COP1: variants seen among roughly 807,000 people sequenced by gnomAD.
COP1 encodes COP1 E3 ubiquitin ligase.
A neutral mutation model predicts 101.3 loss-of-function variants in COP1; 24 were observed. That is an observed-to-expected ratio of 0.24 (90% CI 0.17 to 0.33). The LOEUF (loss-of-function observed/expected upper bound fraction) is 0.33, where lower values mean the gene tolerates loss of function less well. Ranked by LOEUF, COP1 falls within the 10% of genes least tolerant of loss-of-function variation. The pLI, the probability that COP1 is intolerant of heterozygous loss-of-function variation, is 1.00. For synonymous variants in COP1, 347 were observed against 341.9 expected (o/e 1.01, Z -0.17); for missense variants, 663 against 906.2 (o/e 0.73, Z 3.45).
intron 12 of COP1, among the ~76,000 whole-genome samples, chr1:176,045,204 C>A (rs4622022): frequency 0.97 from 148,007 of 152,194 alleles, 72,113 homozygotes; most frequent in East Asian, 1. Flanking sequence ...TGCTAAAGAC[C>A]AAGCACTTAG....
chr1:175,970,840 C>T (rs1653093256), intron 18 of COP1, among the ~76,000 whole-genome samples: 2 of 151,950 alleles, frequency 1.3e-5, no homozygotes, highest in South Asian at 4.1e-4. Context: ...CATGCAAATG[C>T]TGAATTTGAA....
At chr1:176,106,883 TAG>T (rs1684413629) in intron 9 of COP1, among the ~76,000 whole-genome samples, 1 of 152,170 alleles carries the variant, frequency 6.6e-6, no homozygotes. Context: ...AGCTCACAAT[TAG>T]AGACTCCAAC....
At chr1:176,179,470 C>T (rs1329983883) in intron 2 of COP1, among the ~76,000 whole-genome samples, 2 of 152,124 alleles carry the variant, frequency 1.3e-5, no homozygotes, top group Non-Finnish European at 1.5e-5. Flanking sequence ...TGCAGTGGCT[C>T]GTGCCTGTAA....
At chr1:176,115,779 G>A (rs1686089625) in intron 9 of COP1, among the ~76,000 whole-genome samples, 1 of 151,800 alleles carries the variant, frequency 6.6e-6, no homozygotes, top group South Asian at 2.1e-4. Context: ...AAAATAAAAA[G>A]TCGAAAAAAG....
At chr1:176,079,394 T>C (rs984619486) in intron 11 of COP1, among the ~76,000 whole-genome samples, 25 of 152,114 alleles carry the variant, frequency 1.6e-4, no homozygotes, top group African/African-American at 5.6e-4. Flanking sequence ...AACCAAATAA[T>C]GTATATTCTC....
chr1:176,169,701 T>C (rs919583916), intron 3 of COP1, among the ~76,000 whole-genome samples: 6 of 152,350 alleles, frequency 3.9e-5, no homozygotes, highest in Admixed American at 2.0e-4. Flanking sequence ...TGCCTCCATG[T>C]TGACGGCTGC....
intron 17 of COP1, among the ~76,000 whole-genome samples, chr1:175,987,334 T>C (rs1465091196): frequency 6.6e-6 from 1 of 152,174 alleles, no homozygotes; most frequent in African/African-American, 2.4e-5. Context: ...ACAACAATAC[T>C]GATAATTCTA....
intron 11 of COP1, among the ~76,000 whole-genome samples, chr1:176,072,748 T>C (rs1677231912): frequency 6.6e-6 from 1 of 152,096 alleles, no homozygotes; most frequent in South Asian, 2.1e-4. Flanking sequence ...AATTGAAACT[T>C]AGCAAAAATG....
At chr1:176,194,482 AC>A (rs1469696899) in intron 1 of COP1, among the ~76,000 whole-genome samples, 1 of 152,044 alleles carries the variant, frequency 6.6e-6, no homozygotes, top group Non-Finnish European at 1.5e-5. Flanking sequence ...TACGAAAAAT[AC>A]AAAAATTAGC....
At chr1:175,963,469 G>T (rs1651635934) in intron 18 of COP1, among the ~76,000 whole-genome samples, 1 of 152,040 alleles carries the variant, frequency 6.6e-6, no homozygotes, top group South Asian at 2.1e-4. Context: ...GCCCGACCTG[G>T]GTTCTAATTC....
In COP1 at chr1:176,050,369, A is replaced by G. The variant is rs143798898; in HGVS notation, c.1278-4045T>C. ...GCAATGAAAGCCGTCAATAAGCCCA[A>G]GCAGTGAATTTTGTCAGTGTTTCCA... is the stretch of plus-strand genomic sequence containing the variant. On this transcript the variant is annotated intron_variant, in intron 11 of 19. Transcript: ENST00000367669. Among the ~76,000 whole-genome samples the G allele has an allele frequency of 2.6e-3, 400 of 152,340 alleles. 3 individuals carry two copies. The highest frequency in any genetic ancestry group is 9.2e-3 in the African/African-American group (382 of 41,584).
chr1:175,974,944 C>T (rs943254352), intron 18 of COP1, among the ~76,000 whole-genome samples: 23 of 146,264 alleles, frequency 1.6e-4, no homozygotes, highest in Non-Finnish European at 2.0e-4. Flanking sequence ...AAAAAAAAAC[C>T]CACAAAGAAA....
At chr1:176,115,522 G>A (rs1317657318) in intron 9 of COP1, among the ~76,000 whole-genome samples, 1 of 151,954 alleles carries the variant, frequency 6.6e-6, no homozygotes, top group African/African-American at 2.4e-5. Context: ...GTCAAGGGGG[G>A]AGGATCACGA....
chr1:176,112,702 C>T (rs1314942490), intron 9 of COP1, among the ~76,000 whole-genome samples: 1 of 152,110 alleles, frequency 6.6e-6, no homozygotes, highest in Non-Finnish European at 1.5e-5. Context: ...AAGTTCTCTC[C>T]ATTCCCCCTC....
intron 5 of COP1, among the ~76,000 whole-genome samples, chr1:176,154,387 C>T (rs760724161): frequency 2.6e-5 from 4 of 152,124 alleles, no homozygotes; most frequent in Non-Finnish European, 5.9e-5. Context: ...TGGAATCAAC[C>T]TAAATGCCCA....
At chr1:176,182,156 T>C (rs568367023) in intron 2 of COP1, among the ~76,000 whole-genome samples, 13 of 152,350 alleles carry the variant, frequency 8.5e-5, no homozygotes, top group African/African-American at 2.6e-4. Context: ...ATATGTAAGT[T>C]ACAGGACACT....
intron 14 of COP1, among the ~76,000 whole-genome samples, chr1:176,040,516 T>G (rs552995176): frequency 6.6e-6 from 1 of 152,044 alleles, no homozygotes; most frequent in Non-Finnish European, 1.5e-5. Flanking sequence ...CAGGGTCTCA[T>G]GCAGGCTGGT....
chr1:176,031,339 T>A (rs1668618737), intron 14 of COP1, among the ~76,000 whole-genome samples: 1 of 152,134 alleles, frequency 6.6e-6, no homozygotes, highest in Non-Finnish European at 1.5e-5. Flanking sequence ...AAATCAAGTA[T>A]GAGAAGAAAC....
intron 5 of COP1, 129 bp from the exon 6 acceptor site, chr1:176,149,203 A>T (rs1358271847): frequency 2.2e-6 from 1 of 464,728 alleles, no homozygotes; most frequent in African/African-American, 2.0e-5. Context: ...ATTTCTATTT[A>T]ATCAGTTTTC....
Sources: gnomAD v4.1 joint callset for allele counts (sites outside exome capture counted in the v4.1 genomes callset) on GRCh38, gnomAD v4.1.1 for gene constraint, MANE v1.5 for transcripts, NCBI Gene and HGNC (gene_info 2026-07-23, HGNC 2026-07-21) for gene names.